Variants in HYCC1 observed in about 807,000 individuals in gnomAD.
HYCC1 encodes the protein hyccin PI4KA lipid kinase complex subunit 1.
At chr7:22,978,240 A>G in the HYCC1 span, 2 of 1,606,916 alleles carry the variant, frequency 1.2e-6, no homozygotes, top group South Asian at 2.2e-5. Context: ...TTGTCAAAAA[A>G]GATTTTGTTA....
chr7:23,000,179 A>T, the HYCC1 span, among the ~76,000 whole-genome samples: 2 of 152,150 alleles, frequency 1.3e-5, no homozygotes, highest in Non-Finnish European at 2.9e-5. Flanking sequence ...CACTGCTGCT[A>T]TCCCACTCTT....
the HYCC1 span, among the ~76,000 whole-genome samples, chr7:22,954,431 G>C: frequency 1.3e-5 from 2 of 150,812 alleles, no homozygotes; most frequent in South Asian, 4.2e-4. Flanking sequence ...TAACAAGCTA[G>C]TACTAAACCA....
the HYCC1 span, among the ~76,000 whole-genome samples, chr7:22,968,562 G>C: frequency 2.0e-3 from 298 of 152,298 alleles, 12 homozygotes; most frequent in South Asian, 0.059. Context: ...TAACCTGACA[G>C]AGTACTCTTC....
At chr7:22,993,881 G>A in the HYCC1 span, among the ~76,000 whole-genome samples, 7 of 152,168 alleles carry the variant, frequency 4.6e-5, no homozygotes, top group Admixed American at 1.3e-4. Context: ...TATACTCTAC[G>A]AACCCAGAAA....
At chr7:23,011,630 A>C in the HYCC1 span, among the ~76,000 whole-genome samples, 1 of 152,030 alleles carries the variant, frequency 6.6e-6, no homozygotes, top group Admixed American at 6.5e-5. Flanking sequence ...CTGGCCCTCT[A>C]CCACCCTCAC....
chr7:22,927,405 T>C, the HYCC1 span, among the ~76,000 whole-genome samples: 1 of 152,110 alleles, frequency 6.6e-6, no homozygotes, highest in Non-Finnish European at 1.5e-5. Flanking sequence ...AGCTGGTTTT[T>C]TGAAAAGATC....
the HYCC1 span, among the ~76,000 whole-genome samples, chr7:22,987,635 C>T: frequency 6.0e-3 from 911 of 152,226 alleles, 5 homozygotes; most frequent in Non-Finnish European, 9.5e-3. Context: ...TCAAAAATTT[C>T]ATCTCTACAC....
At chr7:22,977,819 T>G in the HYCC1 span, among the ~76,000 whole-genome samples, 1 of 152,198 alleles carries the variant, frequency 6.6e-6, no homozygotes, top group Non-Finnish European at 1.5e-5. Context: ...CGAATTAACA[T>G]ATAAACTCTA....
chr7:22,961,223 T>G, the HYCC1 span: 2 of 1,534,376 alleles, frequency 1.3e-6, no homozygotes, highest in Non-Finnish European at 1.8e-6. Context: ...CATAAATAAG[T>G]CAGGCACCTA....
chr7:22,993,724 G>A, the HYCC1 span, among the ~76,000 whole-genome samples: 2 of 151,472 alleles, frequency 1.3e-5, no homozygotes, highest in African/African-American at 2.4e-5. Flanking sequence ...ACACACGTAC[G>A]CATGTGTAGC....
At chr7:23,002,166 A>ATACAAT in the HYCC1 span, among the ~76,000 whole-genome samples, 2 of 81,152 alleles carry the variant, frequency 2.5e-5, no homozygotes, top group Admixed American at 1.6e-4. Flanking sequence ...ATATATATAT[A>ATACAAT]TATATATATA....
the HYCC1 span, chr7:22,935,533 T>C: frequency 6.6e-6 from 1 of 152,272 alleles, no homozygotes; most frequent in African/African-American, 2.4e-5. Context: ...ATTCAGTTTT[T>C]GTCCTCCTAA....
chr7:22,928,482 G>T, the HYCC1 span, among the ~76,000 whole-genome samples: 1 of 152,178 alleles, frequency 6.6e-6, no homozygotes, highest in Non-Finnish European at 1.5e-5. Context: ...AGCAACTTCA[G>T]CAAAGTCTCA....
At chr7:22,996,597 TAAAAAAA>T in the HYCC1 span, among the ~76,000 whole-genome samples, 979 of 106,530 alleles carry the variant, frequency 9.2e-3, 10 homozygotes, top group Non-Finnish European at 0.011. Flanking sequence ...GTACAATTGT[TAAAAAAA>T]AAAAAAAAAA....
At chr7:22,959,299 C>T in the HYCC1 span, among the ~76,000 whole-genome samples, 1 of 152,158 alleles carries the variant, frequency 6.6e-6, no homozygotes, top group East Asian at 1.9e-4. Flanking sequence ...CTGTTCTCAT[C>T]ACCAACTTTC....
the HYCC1 span, among the ~76,000 whole-genome samples, chr7:22,908,798 G>GTTTACCT: frequency 6.6e-6 from 1 of 152,176 alleles, no homozygotes; most frequent in Non-Finnish European, 1.5e-5. Context: ...TGGGGGCCTT[G>GTTTACCT]GGCCACACTG....
chr7:22,975,956 G>A, the HYCC1 span, among the ~76,000 whole-genome samples: 10 of 152,242 alleles, frequency 6.6e-5, no homozygotes, highest in East Asian at 1.2e-3. Flanking sequence ...CTGGGTTCAC[G>A]CAATACTCCC....
chr7:22,976,418 A>G, the HYCC1 span: 904 of 778,726 alleles, frequency 1.2e-3, 6 homozygotes, highest in African/African-American at 0.011. Context: ...ACAGACCTGC[A>G]CAGTATAAGC....
chr7:22,978,214 G>C, the HYCC1 span: 7 of 1,496,220 alleles, frequency 4.7e-6, no homozygotes, highest in Admixed American at 1.2e-4. Flanking sequence ...CAGTTGCACA[G>C]GTTATATATT....
Sources: allele counts gnomAD v4.1 joint callset (sites outside exome capture counted in the v4.1 genomes callset), GRCh38; gene constraint gnomAD v4.1.1; transcripts MANE v1.5; gene names NCBI Gene and HGNC (gene_info 2026-07-23, HGNC 2026-07-21).